PRKX: variants seen among roughly 807,000 people sequenced by gnomAD.
PRKX encodes the protein cAMP-dependent protein kinase catalytic subunit PRKX.
Under a neutral mutation model 22.0 loss-of-function variants are expected in PRKX, and 12 were observed. The ratio of observed to expected loss-of-function variants is 0.54; its 90% CI spans 0.35 to 0.88. The LOEUF (loss-of-function observed/expected upper bound fraction) is 0.88, where lower values mean the gene tolerates loss of function less well. Among genes scored for constraint, PRKX ranks in the 40% least tolerant of loss-of-function variants. PRKX has a pLI of 0.01. For synonymous variants in PRKX, 134 were observed against 137.7 expected (o/e 0.97, Z 0.19); for missense variants, 217 against 308.0 (o/e 0.70, Z 2.21).
At chrX:3,615,288 G>T (rs1332441485) in intron 7 of PRKX, among the ~76,000 whole-genome samples, 1 of 111,239 alleles carries the variant, frequency 9.0e-6, no homozygotes, top group Admixed American at 9.6e-5. Context: ...CAAAGTACTG[G>T]AATTATAGGC....
intron 7 of PRKX, among the ~76,000 whole-genome samples, chrX:3,613,861 A>C (rs1603472887): frequency 2.0e-5 from 1 of 49,128 alleles, no homozygotes; most frequent in Non-Finnish European, 3.6e-5. Context: ...TCTCAAAAAA[A>C]AAAAAAAAAA....
chrX:3,709,114 T>A (rs1603474989), intron 1 of PRKX, among the ~76,000 whole-genome samples: 2 of 100,664 alleles, frequency 2.0e-5, no homozygotes, highest in African/African-American at 7.6e-5. Context: ...AGCCCAGGAG[T>A]TCAAGGCTGG....
chrX:3,675,548 TTCC>T (rs1249453431), intron 1 of PRKX, among the ~76,000 whole-genome samples: 1 of 110,129 alleles, frequency 9.1e-6, no homozygotes, highest in Non-Finnish European at 1.9e-5. Context: ...TTTCCACTTC[TTCC>T]TCCTCCTCCA....
rs1399332783 is a variant in PRKX, at chrX:3,604,487, T to C, written c.*4482A>G. 1.8e-5 allele frequency: 2 copies of C among 112,225 alleles called. No homozygotes were observed. Among genetic ancestry groups the C allele is most frequent in the Non-Finnish European group, 3.8e-5 (2 of 53,265 alleles). 9.2% of individuals were successfully genotyped at this position (112,225 alleles called of 1,213,427 possible). On this transcript the variant is annotated 3_prime_UTR_variant, in exon 9 of 9. Transcript: ENST00000262848. ...GTACAAATCACAGTGATTTCCATTGTGCAACAAACAGACAGGATTAAAAAT... is the reference window on the plus strand; with the variant it reads ...GTACAAATCACAGTGATTTCCATTGCGCAACAAACAGACAGGATTAAAAAT...
At chrX:3,634,718 G>A (rs943454692) in intron 4 of PRKX, among the ~76,000 whole-genome samples, 3 of 111,063 alleles carry the variant, frequency 2.7e-5, no homozygotes, top group African/African-American at 9.8e-5. Context: ...TTAGAGACAG[G>A]GTCTCTCTGT....
chrX:3,642,974 C>T (rs1443275708), intron 3 of PRKX, among the ~76,000 whole-genome samples: 1 of 85,311 alleles, frequency 1.2e-5, no homozygotes, highest in East Asian at 4.3e-4. Context: ...CTTTACACTC[C>T]AACCTGGGCG....
chrX:3,638,895 T>C (rs751986136), intron 4 of PRKX, among the ~76,000 whole-genome samples: 30 of 104,879 alleles, frequency 2.9e-4, no homozygotes, highest in African/African-American at 1.0e-3. Context: ...GATGGATAGA[T>C]TGGTACATGA....
At chrX:3,675,644 A>T (rs1927937645) in intron 1 of PRKX, among the ~76,000 whole-genome samples, 1 of 107,617 alleles carries the variant, frequency 9.3e-6, no homozygotes, top group African/African-American at 3.4e-5. Context: ...TATAAAAGAA[A>T]ATCAAAATCT....
intron 1 of PRKX, among the ~76,000 whole-genome samples, chrX:3,697,886 C>A (rs1289665669): frequency 9.0e-6 from 1 of 111,682 alleles, no homozygotes; most frequent in Non-Finnish European, 1.9e-5. Flanking sequence ...AGTCTGGGAA[C>A]CCCAGCTGAG....
chrX:3,642,167 C>T (rs1280110973), intron 3 of PRKX, among the ~76,000 whole-genome samples, 196 bp from the exon 4 acceptor site: 1 of 111,082 alleles, frequency 9.0e-6, no homozygotes, highest in Non-Finnish European at 1.9e-5. Flanking sequence ...CATTTCTTAA[C>T]GGGCTTGGAA....
rs751985885 is a variant in PRKX, at chrX:3,698,239, G to A, written c.166+14849C>T. On this transcript the variant is annotated intron_variant, in intron 1 of 8. Transcript: ENST00000262848. ...AACTACGGATCTTGTAGTGACTATCGTATATGCTGGCATACCACAGAGCCA... is the reference window on the plus strand; with the variant it reads ...AACTACGGATCTTGTAGTGACTATCATATATGCTGGCATACCACAGAGCCA... Among the ~76,000 whole-genome samples, 57 of 112,035 alleles carry A rather than the reference G, an allele frequency of 5.1e-4. 1 individual carries two copies. In the South Asian group the frequency reaches 0.02, roughly 39 times the overall value.
chrX:3,627,379 T>A (rs1452322904), intron 4 of PRKX, among the ~76,000 whole-genome samples: 1 of 93,692 alleles, frequency 1.1e-5, no homozygotes, highest in Non-Finnish European at 2.1e-5. Flanking sequence ...TGAAACTCTG[T>A]CTCAAAAAAA....
At chrX:3,663,298 A>T (rs73438482) in intron 2 of PRKX, among the ~76,000 whole-genome samples, 268 of 108,642 alleles carry the variant, frequency 2.5e-3, no homozygotes, top group African/African-American at 8.3e-3. Context: ...TGTGTTTGAG[A>T]ATTGGAAAGG....
intron 1 of PRKX, among the ~76,000 whole-genome samples, chrX:3,684,898 C>G (rs1359056793): frequency 8.9e-6 from 1 of 112,105 alleles, no homozygotes; most frequent in African/African-American, 3.2e-5. Flanking sequence ...CTCACTGCAA[C>G]CTCCACCTCC....
chrX:3,630,424 G>A (rs1398892942), intron 4 of PRKX, among the ~76,000 whole-genome samples: 2 of 111,384 alleles, frequency 1.8e-5, no homozygotes, highest in Admixed American at 9.6e-5. Context: ...GCCAGGCGTG[G>A]TGGCGGGCGC....
chrX:3,661,013 C>G (rs1336863510), intron 2 of PRKX, among the ~76,000 whole-genome samples: 4 of 110,003 alleles, frequency 3.6e-5, no homozygotes, highest in Non-Finnish European at 7.6e-5. Context: ...TACATCTGTT[C>G]CACAAGTGTC....
intron 2 of PRKX, among the ~76,000 whole-genome samples, chrX:3,665,831 T>C (rs1332374250): frequency 9.4e-6 from 1 of 106,395 alleles, no homozygotes; most frequent in East Asian, 3.1e-4. Context: ...ACGAGGGAGG[T>C]TGCCAGGGCA....
chrX:3,609,558 G>A (rs771931606), intron 8 of PRKX, among the ~76,000 whole-genome samples: 3 of 111,393 alleles, frequency 2.7e-5, no homozygotes, highest in South Asian at 7.6e-4. Flanking sequence ...AGGCCCAAGC[G>A]AGCCTCTCAC....
chrX:3,656,472 A>G (rs1414308111), intron 2 of PRKX, among the ~76,000 whole-genome samples: 1 of 110,420 alleles, frequency 9.1e-6, no homozygotes, highest in East Asian at 2.9e-4. Flanking sequence ...CTGTGGGTGC[A>G]GACAGATATT....
Sources: allele counts gnomAD v4.1 joint callset (sites outside exome capture counted in the v4.1 genomes callset), GRCh38; gene constraint gnomAD v4.1.1; transcripts MANE v1.5; gene names NCBI Gene and HGNC (gene_info 2026-07-23, HGNC 2026-07-21).